KIAA1210: variants seen among roughly 807,000 people sequenced by gnomAD.
KIAA1210 encodes the protein acrosomal protein KIAA1210.
Under a neutral mutation model 78.9 loss-of-function variants are expected in KIAA1210, and 48 were observed. That is an observed-to-expected ratio of 0.61 (90% confidence interval 0.48 to 0.77). KIAA1210 has a LOEUF of 0.77. Among genes scored for constraint, KIAA1210 ranks in the 30% least tolerant of loss-of-function variants. The pLI, the probability that KIAA1210 is intolerant of heterozygous loss-of-function variation, is 0.00. For synonymous variants in KIAA1210, 406 were observed against 404.5 expected (o/e 1.00, Z -0.04); for missense variants, 1,108 against 1,100.0 (o/e 1.01, Z -0.10).
chrX:119,122,129 G>A (rs1283692634), intron 2 of KIAA1210, among the ~76,000 whole-genome samples: 3 of 97,342 alleles, frequency 3.1e-5, no homozygotes, highest in Non-Finnish European at 4.1e-5. Context: ...ACAGTGGCGC[G>A]ATCTCAGCTT....
At chrX:119,122,621 T>G (rs1928503843) in intron 2 of KIAA1210, among the ~76,000 whole-genome samples, 1 of 112,660 alleles carries the variant, frequency 8.9e-6, no homozygotes, top group African/African-American at 3.2e-5. Flanking sequence ...GTTTGGTAGT[T>G]GGGTTTGCTT....
At chrX:119,144,287 C>A (rs972222744) in intron 2 of KIAA1210, among the ~76,000 whole-genome samples, 1 of 112,646 alleles carries the variant, frequency 8.9e-6, no homozygotes, top group Non-Finnish European at 1.9e-5. Flanking sequence ...CGGTTTCCTG[C>A]TGCTCTCTGG....
At chrX:119,146,052 C>T (rs1451915227) in intron 2 of KIAA1210, among the ~76,000 whole-genome samples, 1 of 112,218 alleles carries the variant, frequency 8.9e-6, no homozygotes, top group Non-Finnish European at 1.9e-5. Flanking sequence ...TCGCATTTTA[C>T]ATTTTGGTTA....
Position 119,087,292 on chromosome X carries a change from A to G in KIAA1210, c.3410T>C (p.Val1137Ala), listed in dbSNP as rs1004039300. ...CCACTCTTTAGGAGAACTGGCAGAAACAGGGGAGACTTTTTGCTCATACTC... is the reference window on the plus strand; with the variant it reads ...CCACTCTTTAGGAGAACTGGCAGAAGCAGGGGAGACTTTTTGCTCATACTC... ...KPEYEQKVSPVSASSPKEWRN... is the reference protein window; with the variant it reads ...KPEYEQKVSPASASSPKEWRN... Residue 1137 changes from valine to alanine, a missense_variant, in exon 9 of 12, where the codon GTT (valine) becomes GCT (alanine). Coordinates refer to ENST00000691062, the MANE Select transcript of KIAA1210 (RefSeq NM_001394962.1). The G allele has an allele frequency of 1.7e-6, 2 of 1,209,238 alleles. No individual in the cohort carries two copies. Among genetic ancestry groups the G allele is most frequent in the African/African-American group, 3.5e-5 (2 of 56,996 alleles).
intron 5 of KIAA1210, among the ~76,000 whole-genome samples, chrX:119,106,673 A>T (rs1209683777): frequency 1.8e-5 from 2 of 112,433 alleles, no homozygotes; most frequent in Non-Finnish European, 3.8e-5. Context: ...CAACAGCAAG[A>T]TGCTAATAAT....
rs763733505 is a variant in KIAA1210 at position 119,083,287 on chromosome X, G to A, written c.4321-167C>T. ...ATAGAGATAGATAAGGAGAGAAATA[G>A]CATTGAGCCTTTTGGCTTAAAATTT... On this transcript the variant is annotated intron_variant, in intron 10 of 11. Coordinates refer to ENST00000691062, the MANE Select transcript of KIAA1210 (RefSeq NM_001394962.1). 2.7e-5 allele frequency among the ~76,000 whole-genome samples: 3 copies of A among 112,407 alleles called. No individual in the cohort carries two copies. In the East Asian group the frequency reaches 8.4e-4, roughly 31 times the overall value.
intron 1 of KIAA1210, among the ~76,000 whole-genome samples, chrX:119,125,737 T>TATA (rs1257970746): frequency 1.0e-4 from 1 of 9,993 alleles, no homozygotes; most frequent in African/African-American, 3.1e-4. Context: ...ATATATATAT[T>TATA]TTTTTTTTTT....
In KIAA1210 at chrX:119,087,510, T is replaced by G; in HGVS notation, c.3192A>C (p.Ser1064=). 2 of 1,210,871 alleles carry G rather than the reference T, an allele frequency of 1.7e-6. No individual in the cohort carries two copies. The highest frequency in any genetic ancestry group is 3.5e-5 in the African/African-American group (2 of 57,791). ...CCTTAGGATTAGCACTCCCTGAATC[T>G]GAGAAAACTTGGTGCTTGACTTCAG... ...SKPEVKHQVF[S]DSGSANPKGG... is the part of the protein sequence containing the mutation. Residue 1064 remains serine, a synonymous_variant, in exon 9 of 12, where the codon TCA becomes TCC. Transcript: ENST00000691062.
chrX:119,085,622 A>G lies in KIAA1210; in HGVS notation c.4157-76T>C, dbSNP rs769602965. ...TGAGCCTGGTTGGGGCTTACCCACA[A>G]TAATATCCCAAATGGGACCCTTGTT... On this transcript the variant is annotated intron_variant, in intron 9 of 11. Transcript: ENST00000691062. The G allele has an allele frequency of 3.2e-4, 286 of 898,303 alleles. 1 individual carries two copies. The African/African-American group carries it at 5.2e-3, about 16-fold the overall frequency. 74.0% of individuals were successfully genotyped at this position (898,303 alleles called of 1,213,427 possible).
chrX:119,142,239 G>A (rs1929064173), intron 2 of KIAA1210, among the ~76,000 whole-genome samples: 1 of 112,354 alleles, frequency 8.9e-6, no homozygotes, highest in South Asian at 3.7e-4. Flanking sequence ...GAAGAGCCCA[G>A]AGCAGTGCTC....
Position 119,079,265 on chromosome X carries a change from A to C in KIAA1210, c.*2064T>G, listed in dbSNP as rs1926863709. On this transcript the variant is annotated 3_prime_UTR_variant, in exon 12 of 12. Coordinates refer to ENST00000691062, the MANE Select transcript of KIAA1210 (RefSeq NM_001394962.1). ...CCACTCAGAATATAAAGGCACAGTC[A>C]GATGTCCAGGCCTGCATTTCTGTTT... The C allele has an allele frequency of 8.9e-6, 1 of 111,963 alleles. No homozygotes were observed. The highest frequency in any genetic ancestry group is 9.4e-5 in the Admixed American group (1 of 10,593). The allele number at this position is 111,963 out of a possible 1,213,427, so 9.2% of individuals were successfully genotyped here. A position where few individuals can be genotyped will look rare whatever the true frequency, so the allele number is the denominator to read the frequency against.
At chrX:119,147,179 A>G (rs1309630850) in intron 2 of KIAA1210, among the ~76,000 whole-genome samples, 1 of 110,922 alleles carries the variant, frequency 9.0e-6, no homozygotes, top group African/African-American at 3.3e-5. Flanking sequence ...TGCAGATGCT[A>G]TGGGAAGATG....
chrX:119,101,369 A>G (rs999795406), intron 6 of KIAA1210, among the ~76,000 whole-genome samples: 2 of 110,516 alleles, frequency 1.8e-5, no homozygotes, highest in Non-Finnish European at 3.8e-5. Flanking sequence ...TTCATCAAGC[A>G]TTTGGCCCAT....
rs377660539 is a variant in KIAA1210 at position 119,084,553 on chromosome X, G to T, written c.4320+830C>A. On this transcript the variant is annotated intron_variant, in intron 10 of 11. Transcript: ENST00000691062. ...CTCTTACCCCAGTGATTACCTTTAG[G>T]TATTTTTTTAAGCTATGAGGATGCA... Among the ~76,000 whole-genome samples the T allele has an allele frequency of 7.2e-5, 8 of 110,900 alleles. No homozygotes were observed. In the East Asian group the frequency reaches 2.0e-3, roughly 27 times the overall value.
rs138479730 is a variant in KIAA1210, at chrX:119,087,320, G to A, written c.3382C>T (p.Pro1128Ser). Residue 1128 changes from proline to serine, a missense_variant, in exon 9 of 12, where the codon CCT becomes TCT. By Grantham distance (74) the Pro-to-Ser change is moderately conservative (BLOSUM62 -1). Transcript: ENST00000691062. ...GGGGAGACTTTTTGCTCATACTCAGGTTTCCTCAAGGCCTGGGAAAGCTGC... is the reference window on the plus strand; with the variant it reads ...GGGGAGACTTTTTGCTCATACTCAGATTTCCTCAAGGCCTGGGAAAGCTGC... The part of the protein sequence containing the change: ...PRQLSQALRK[P>S]EYEQKVSPVS... 1,056 of 1,209,317 alleles carry A rather than the reference G, an allele frequency of 8.7e-4. 20 individuals carry two copies. The East Asian group carries it at 0.031, about 36-fold the overall frequency.
intron 3 of KIAA1210, among the ~76,000 whole-genome samples, chrX:119,111,912 A>G (rs1448660461): frequency 9.0e-6 from 1 of 111,542 alleles, no homozygotes; most frequent in African/African-American, 3.3e-5. Flanking sequence ...GAAAAAATAA[A>G]TAGATAAATA....
intron 8 of KIAA1210, among the ~76,000 whole-genome samples, chrX:119,092,759 TTAAATAAATAAATAAA>T (rs3049064): frequency 0.01 from 863 of 85,305 alleles, 7 homozygotes; most frequent in Middle Eastern, 0.017. Context: ...AGACTCCGTC[TTAAATAAATAAATAAA>T]TAAATAAATA....
In KIAA1210 at chrX:119,104,999, G is replaced by A. The variant is rs751780197; in HGVS notation, c.641C>T (p.Ala214Val). The change falls in exon 6 of 12, where the codon GCG becomes GTG. Residue 214 changes from alanine (A) to valine (V), a missense_variant. Around this residue, in one of 5 missense-constraint regions of KIAA1210, gnomAD observed 672 missense variants for 607.1 expected, o/e 1.11. Transcript: ENST00000691062. Reference protein sequence around the residue: ...KKALPHKSLTATQSFSELSSG... With the variant: ...KKALPHKSLTVTQSFSELSSG... Reference sequence around the variant, plus strand: ...CCCTTAATATATACTCACCTGAGTCGCTGTCAAACTCTTATGTGGTAAAGC... The same window carrying A: ...CCCTTAATATATACTCACCTGAGTCACTGTCAAACTCTTATGTGGTAAAGC... 7.5e-6 allele frequency: 9 copies of A among 1,207,420 alleles called. No homozygotes were observed. The highest frequency in any genetic ancestry group is 1.8e-5 in the South Asian group (1 of 56,204).
intron 2 of KIAA1210, among the ~76,000 whole-genome samples, chrX:119,135,859 T>C (rs1315010019): frequency 9.0e-6 from 1 of 111,094 alleles, no homozygotes; most frequent in East Asian, 2.8e-4. Context: ...ATTGAAACCA[T>C]CCTGGCCAAC....
Sources: allele counts gnomAD v4.1 joint callset (sites outside exome capture counted in the v4.1 genomes callset), GRCh38; gene constraint gnomAD v4.1.1; regional missense constraint gnomAD v4.1.1; transcripts MANE v1.5; gene names NCBI Gene and HGNC (gene_info 2026-07-23, HGNC 2026-07-21).